Variants in SLC14A2 observed in about 807,000 individuals in gnomAD.
SLC14A2 encodes urea transporter 2.
In SLC14A2, 91 loss-of-function variants were observed where a neutral mutation model predicts 104.6. The observed-to-expected ratio is 0.87, with a 90% CI of 0.73 to 1.04. The LOEUF is 1.04. Among genes scored for constraint, SLC14A2 ranks in the 50% least tolerant of loss-of-function variants. The pLI, the probability that SLC14A2 is intolerant of heterozygous loss-of-function variation, is 0.00. For missense variants in SLC14A2, 1,189 were observed against 1,156.0 expected (o/e 1.03, Z -0.41); for synonymous variants, 476 against 466.4 (o/e 1.02, Z -0.27).
At chr18:45,236,841 C>G (rs1295992547) in intron 1 of SLC14A2, among the ~76,000 whole-genome samples, 3 of 152,156 alleles carry the variant, frequency 2.0e-5, no homozygotes, top group African/African-American at 7.2e-5. Context: ...AAGCTGTATG[C>G]TGAAACATCC....
At chr18:45,669,279 C>G in intron 15 of SLC14A2, 27 bp from the exon 16 acceptor site, 1 of 1,592,256 alleles carries the variant, frequency 6.3e-7, no homozygotes, top group Non-Finnish European at 8.6e-7. Context: ...GCTTCCTGAC[C>G]AGCATCTCTC....
intron 2 of SLC14A2, among the ~76,000 whole-genome samples, chr18:45,547,561 C>G (rs2043990344): frequency 6.6e-6 from 1 of 152,234 alleles, no homozygotes; most frequent in African/African-American, 2.4e-5. Context: ...GAACTCTTAG[C>G]TTGGGACCTG....
intron 2 of SLC14A2, among the ~76,000 whole-genome samples, chr18:45,549,809 A>G (rs765189928): frequency 1.1e-4 from 17 of 152,150 alleles, no homozygotes; most frequent in Non-Finnish European, 1.9e-4. Flanking sequence ...TTATACTATG[A>G]GCCTCATAAC....
chr18:45,589,218 T>G (rs2144381782), intron 2 of SLC14A2, among the ~76,000 whole-genome samples: 1 of 151,772 alleles, frequency 6.6e-6, no homozygotes, highest in Non-Finnish European at 1.5e-5. Flanking sequence ...GGATATTTAT[T>G]TGTAGGGGAT....
chr18:45,659,500 C>T (rs906420376), intron 10 of SLC14A2, among the ~76,000 whole-genome samples: 10 of 152,168 alleles, frequency 6.6e-5, no homozygotes, highest in Non-Finnish European at 1.5e-4. Context: ...CTTCCATGGC[C>T]TATTTTCTTC....
At chr18:45,315,631 A>C (rs1430737463) in intron 1 of SLC14A2, among the ~76,000 whole-genome samples, 2 of 152,092 alleles carry the variant, frequency 1.3e-5, no homozygotes, top group African/African-American at 2.4e-5. Flanking sequence ...GTAATACATG[A>C]GTACTCCTGA....
chr18:45,451,024 G>T (rs1598837704), intron 1 of SLC14A2, among the ~76,000 whole-genome samples: 3 of 152,222 alleles, frequency 2.0e-5, no homozygotes, highest in Non-Finnish European at 4.4e-5. Context: ...GCTCCCAAGA[G>T]CCATTGGTTT....
At chr18:45,644,410 A>T in intron 10 of SLC14A2, 1 of 411,324 alleles carries the variant, frequency 2.4e-6, no homozygotes, top group Non-Finnish European at 4.4e-6. Flanking sequence ...GGAGTTAGCA[A>T]TAAGGTGTGT....
chr18:45,565,328 G>A (rs1346121690), intron 2 of SLC14A2, among the ~76,000 whole-genome samples: 13 of 152,022 alleles, frequency 8.6e-5, no homozygotes, highest in Admixed American at 1.3e-4. Context: ...GTTTCACTGC[G>A]TTAGCCAGGA....
At chr18:45,435,720 G>A (rs2086585710) in intron 1 of SLC14A2, among the ~76,000 whole-genome samples, 1 of 152,124 alleles carries the variant, frequency 6.6e-6, no homozygotes. Flanking sequence ...GCTTGTCCCA[G>A]GACTCTATAT....
intron 1 of SLC14A2, among the ~76,000 whole-genome samples, chr18:45,380,341 A>G (rs990020974): frequency 6.6e-6 from 1 of 152,222 alleles, no homozygotes. Flanking sequence ...TACTCTTTGT[A>G]GCAATAGAGA....
At chr18:45,224,824 A>T (rs1562822) in intron 1 of SLC14A2, among the ~76,000 whole-genome samples, 17,887 of 152,166 alleles carry the variant, frequency 0.12, 1,184 homozygotes, top group African/African-American at 0.18. Context: ...TGTATCCATT[A>T]TAGACATTGC....
At chr18:45,573,929 T>C (rs529525745) in intron 2 of SLC14A2, among the ~76,000 whole-genome samples, 2 of 152,336 alleles carry the variant, frequency 1.3e-5, no homozygotes, top group African/African-American at 4.8e-5. Context: ...ATGATATAGA[T>C]GTTCAGAAAA....
At chr18:45,490,783 G>A (rs1030123099) in intron 2 of SLC14A2, among the ~76,000 whole-genome samples, 1 of 152,092 alleles carries the variant, frequency 6.6e-6, no homozygotes, top group Non-Finnish European at 1.5e-5. Flanking sequence ...ATAAGTAAAA[G>A]ACAAACAGCC....
the SLC14A2 span, among the ~76,000 whole-genome samples, chr18:45,168,185 C>T: frequency 1.3e-5 from 2 of 152,206 alleles, no homozygotes; most frequent in African/African-American, 2.4e-5. Context: ...TTATCTTTCT[C>T]ATTTCTTGCA....
chr18:45,618,497 C>T lies in SLC14A2; in HGVS notation c.-35+2915C>T, dbSNP rs191246272. Among the ~76,000 whole-genome samples the T allele has an allele frequency of 1.0e-2, 1,513 of 151,614 alleles. 15 individuals carry two copies. The highest frequency in any genetic ancestry group is 0.016 in the South Asian group (78 of 4,790). ...CAGCCTGGCCAACATGGTGAAACCC[C>T]GTATCTACAAAAAATACAAAAATTA... is the stretch of plus-strand genomic sequence containing the variant. On this transcript the variant is annotated intron_variant, in intron 1 of 19. Transcript: ENST00000255226.
At chr18:45,190,739 A>G in the SLC14A2 span, among the ~76,000 whole-genome samples, 2 of 152,182 alleles carry the variant, frequency 1.3e-5, no homozygotes, top group Non-Finnish European at 2.9e-5. Context: ...AGAGTCAGGC[A>G]CTTTTGTCCA....
chr18:45,315,754 A>G (rs1035027250), intron 1 of SLC14A2, among the ~76,000 whole-genome samples: 3 of 152,188 alleles, frequency 2.0e-5, no homozygotes, highest in Admixed American at 1.3e-4. Context: ...CAGGCATCAC[A>G]TAGTAGTTCT....
chr18:45,209,126 G>A (rs1319425552), upstream of SLC14A2, among the ~76,000 whole-genome samples: 5 of 145,658 alleles, frequency 3.4e-5, no homozygotes, highest in Non-Finnish European at 6.0e-5. Flanking sequence ...CATGAGGTCA[G>A]TAGATCGAGA....
Sources: allele counts gnomAD v4.1 joint callset (sites outside exome capture counted in the v4.1 genomes callset), GRCh38; gene constraint gnomAD v4.1.1; transcripts MANE v1.5; gene names NCBI Gene and HGNC (gene_info 2026-07-23, HGNC 2026-07-21).